The following MS4A6E variants were observed in gnomAD, a reference collection of about 807,000 sequenced individuals.
The protein encoded by MS4A6E is membrane-spanning 4-domains subfamily A member 6E.
MS4A6E carries 8 observed loss-of-function variants against 13.2 expected under a neutral mutation model. The ratio of observed to expected loss-of-function variants is 0.60; its 90% confidence interval spans 0.35 to 1.09. The LOEUF (loss-of-function observed/expected upper bound fraction) is 1.09, where lower values mean the gene tolerates loss of function less well. MS4A6E is among the 50% of genes least tolerant of loss of function. The pLI, the probability that MS4A6E is intolerant of heterozygous loss-of-function variation, is 0.02. For missense variants in MS4A6E, 177 were observed against 171.1 expected, an observed-to-expected ratio of 1.03 and a Z score of -0.19; for synonymous variants, 72 against 67.6, an observed-to-expected ratio of 1.06 and a Z score of -0.32.
intron 4 of MS4A6E, among the ~76,000 whole-genome samples, chr11:60,348,335 C>T (rs947447944): frequency 3.3e-5 from 5 of 152,154 alleles, no homozygotes; most frequent in Non-Finnish European, 7.3e-5. Context: ...AGAAATACCA[C>T]GTGCTTGCCA....
downstream of MS4A6E, among the ~76,000 whole-genome samples, chr11:60,343,677 G>A (rs572522974): frequency 4.5e-3 from 688 of 152,318 alleles, 5 homozygotes; most frequent in Non-Finnish European, 4.9e-3. Flanking sequence ...AGGAAATGTT[G>A]AAATGACAAA....
chr11:60,328,733 T>G (rs982476302), intron 1 of MS4A6E, among the ~76,000 whole-genome samples: 1 of 150,758 alleles, frequency 6.6e-6, no homozygotes, highest in African/African-American at 2.4e-5. Context: ...TTCAGAGAGA[T>G]AGAGAGTGAA....
chr11:60,341,723 C>G (rs899454573), downstream of MS4A6E, among the ~76,000 whole-genome samples: 2 of 152,168 alleles, frequency 1.3e-5, no homozygotes, highest in South Asian at 2.1e-4. Context: ...TACTCACTGT[C>G]TCAGATATCC....
intron 1 of MS4A6E, among the ~76,000 whole-genome samples, chr11:60,327,685 C>T (rs1161631239): frequency 2.6e-5 from 4 of 151,982 alleles, no homozygotes; most frequent in African/African-American, 9.7e-5. Flanking sequence ...AAAATGTGGG[C>T]AGTGAGTGCC....
intron 1 of MS4A6E, among the ~76,000 whole-genome samples, chr11:60,330,730 T>C (rs945839597): frequency 6.6e-6 from 1 of 152,214 alleles, no homozygotes; most frequent in African/African-American, 2.4e-5. Context: ...GGTTTTCTTC[T>C]ATGGTTTTTA....
Position 60,339,774 on chromosome 11 carries a change from A to AGGT in MS4A6E, c.355-88_355-86dup, listed in dbSNP as rs1164741498. 1.5e-5 allele frequency: 15 copies of AGGT among 1,026,212 alleles called. 2 individuals are homozygous for AGGT. Among genetic ancestry groups the AGGT allele is most frequent in the South Asian group, 6.3e-5 (5 of 79,214 alleles). The allele number at this position is 1,026,212 out of a possible 1,614,324, so 63.6% of individuals were successfully genotyped here. On this transcript the variant is annotated intron_variant, in intron 3 of 4. Coordinates refer to ENST00000684409, the MANE Select transcript of MS4A6E (RefSeq NM_139249.4). ...TCCTTACTTCATTCTCTAATGGTTGAGGTGGTCTTCATCTCTATGGTCACC... is the reference window on the plus strand; with the variant it reads ...TCCTTACTTCATTCTCTAATGGTTGAGGTGGTGGTCTTCATCTCTATGGTCACC...
chr11:60,333,773 T>C (rs1351046441), intron 1 of MS4A6E, among the ~76,000 whole-genome samples: 1 of 152,222 alleles, frequency 6.6e-6, no homozygotes, highest in Non-Finnish European at 1.5e-5. Context: ...GAACAAGAGA[T>C]ATTTTATGGA....
At chr11:60,335,156 G>A (rs2085180861) in intron 2 of MS4A6E, 114 bp downstream of exon 2, 3 of 1,434,760 alleles carry the variant, frequency 2.1e-6, no homozygotes, top group Non-Finnish European at 2.8e-6. Context: ...TTTGCTGGAG[G>A]GACTTTGGGG....
chr11:60,341,163 C>T lies in MS4A6E; in HGVS notation c.*397C>T, dbSNP rs765717348. ...AAAGGATACAGCTTTTTCTTATACT[C>T]CTCAATTGTGAACAGGAGTTAACTG... On this transcript the variant is annotated 3_prime_UTR_variant, in exon 5 of 5. Transcript: ENST00000684409. Among the ~76,000 whole-genome samples the T allele has an allele frequency of 6.6e-6, 1 of 152,134 alleles. No homozygotes were observed. Among genetic ancestry groups the T allele is most frequent in the Non-Finnish European group, 1.5e-5 (1 of 68,020 alleles).
At chr11:60,329,608 A>C (rs1251980667) in intron 1 of MS4A6E, among the ~76,000 whole-genome samples, 1 of 152,138 alleles carries the variant, frequency 6.6e-6, no homozygotes, top group Non-Finnish European at 1.5e-5. Flanking sequence ...CACTCCCACC[A>C]ACAGTGTAAA....
intron 2 of MS4A6E, among the ~76,000 whole-genome samples, chr11:60,336,797 C>G (rs144381026): frequency 6.6e-6 from 1 of 152,160 alleles, no homozygotes; most frequent in Non-Finnish European, 1.5e-5. Flanking sequence ...TGGAGCCTAC[C>G]TACCTGTAAC....
downstream of MS4A6E, among the ~76,000 whole-genome samples, chr11:60,341,597 G>A (rs201841618): frequency 2.1e-4 from 31 of 150,480 alleles, 1 homozygote; most frequent in South Asian, 8.4e-4. Flanking sequence ...GCACACACAC[G>A]CACACACACA....
chr11:60,343,475 T>C (rs1474292350), downstream of MS4A6E, among the ~76,000 whole-genome samples: 1 of 152,218 alleles, frequency 6.6e-6, no homozygotes, highest in Non-Finnish European at 1.5e-5. Flanking sequence ...GTGTTGCAAA[T>C]AGTAGAGCGC....
chr11:60,335,436 G>GA (rs1427782536), intron 2 of MS4A6E: 11 of 373,014 alleles, frequency 2.9e-5, no homozygotes, highest in African/African-American at 2.1e-4. Flanking sequence ...GCAAATTACA[G>GA]AAAAAATATA....
chr11:60,340,537 C>A (rs780094027), intron 4 of MS4A6E, among the ~76,000 whole-genome samples: 1 of 152,236 alleles, frequency 6.6e-6, no homozygotes, highest in South Asian at 2.1e-4. Flanking sequence ...CTTTATTTAA[C>A]TGAATTTAAA....
intron 2 of MS4A6E, 120 bp from the exon 3 acceptor site, chr11:60,337,621 T>G (rs2085195502): frequency 1.6e-6 from 2 of 1,218,278 alleles, no homozygotes; most frequent in African/African-American, 3.0e-5. Flanking sequence ...CAAGAAATGA[T>G]CCCTCCGGGA....
At chr11:60,341,743 G>A (rs1283678023), downstream of MS4A6E, among the ~76,000 whole-genome samples, 3 of 152,156 alleles carry the variant, frequency 2.0e-5, no homozygotes, top group African/African-American at 7.2e-5. Flanking sequence ...CTGATACTCA[G>A]AGAGTTTCTC....
downstream of MS4A6E, among the ~76,000 whole-genome samples, chr11:60,342,185 GAGAGAGAGAGAGA>G (rs2085230871): frequency 7.8e-5 from 6 of 76,900 alleles, no homozygotes; most frequent in African/African-American, 4.3e-4. Context: ...GTGTGAGAGA[GAGAGAGAGAGAGA>G]GAGGGGGGGG....
At chr11:60,339,772 T>A in intron 3 of MS4A6E, 94 bp from the exon 4 acceptor site, 2 of 1,014,322 alleles carry the variant, frequency 2.0e-6, no homozygotes, top group Non-Finnish European at 3.1e-6. Flanking sequence ...CTCTAATGGT[T>A]GAGGTGGTCT....
Sources: gnomAD v4.1 joint callset for allele counts (sites outside exome capture counted in the v4.1 genomes callset) on GRCh38, gnomAD v4.1.1 for gene constraint, MANE v1.5 for transcripts, NCBI Gene and HGNC (gene_info 2026-07-23, HGNC 2026-07-21) for gene names.